The following BAIAP2L1 variants were observed in gnomAD, a reference collection of about 807,000 sequenced individuals.
The protein encoded by BAIAP2L1 is BAR/IMD domain-containing adapter protein 2-like 1.
BAIAP2L1 carries 35 observed loss-of-function variants against 66.3 expected under a neutral mutation model. That is an observed-to-expected ratio of 0.53 (90% CI 0.40 to 0.70). The LOEUF is 0.70. Among genes scored for constraint, BAIAP2L1 ranks in the 30% least tolerant of loss-of-function variants. The pLI is 0.00. For missense variants in BAIAP2L1, 622 were observed against 656.9 expected (o/e 0.95, Z 0.58); for synonymous variants, 269 against 248.7 (o/e 1.08, Z -0.77).
At chr7:98,303,586 C>A (rs533620571) in intron 12 of BAIAP2L1, among the ~76,000 whole-genome samples, 5 of 152,196 alleles carry the variant, frequency 3.3e-5, no homozygotes, top group African/African-American at 7.2e-5. Context: ...AGGCAGAGTC[C>A]GGCCTTGTTC....
intron 5 of BAIAP2L1, among the ~76,000 whole-genome samples, chr7:98,318,603 C>T (rs1458340647): frequency 6.6e-6 from 1 of 151,872 alleles, no homozygotes; most frequent in Non-Finnish European, 1.5e-5. Context: ...AACGGACCCG[C>T]GTCAGAATTC....
chr7:98,334,701 A>T (rs1434089067), intron 3 of BAIAP2L1, among the ~76,000 whole-genome samples: 1 of 151,734 alleles, frequency 6.6e-6, no homozygotes, highest in Non-Finnish European at 1.5e-5. Flanking sequence ...GCCCCCCACC[A>T]CGCCCAGCTA....
intron 1 of BAIAP2L1, among the ~76,000 whole-genome samples, chr7:98,399,546 C>G (rs79926690): frequency 0.013 from 2,047 of 152,280 alleles, 29 homozygotes; most frequent in Non-Finnish European, 0.022. Flanking sequence ...CACCAACCAA[C>G]CAACCGACCA....
intron 1 of BAIAP2L1, among the ~76,000 whole-genome samples, chr7:98,377,801 CAG>C (rs1195467627): frequency 2.6e-5 from 3 of 114,432 alleles, no homozygotes; most frequent in African/African-American, 1.1e-4. Flanking sequence ...GCCTGGGCGA[CAG>C]AGTGAGACTC....
At chr7:98,356,422 C>A (rs777207856) in intron 2 of BAIAP2L1, among the ~76,000 whole-genome samples, 1 of 152,046 alleles carries the variant, frequency 6.6e-6, no homozygotes, top group African/African-American at 2.4e-5. Flanking sequence ...AAAGAGCCCT[C>A]GGGAATCCCA....
rs1803353923 is a variant in BAIAP2L1 at position 98,400,859 on chromosome 7, G to T, written c.-7C>A. On this transcript the variant is annotated 5_prime_UTR_variant, in exon 1 of 14. Transcript: ENST00000005260. ...CCTCGGGCCCCCGGGACATGGCTGC[G>T]GCCGCCGGGCGAGCAAGCGCGGGAG... 6.5e-7 allele frequency: 1 copy of T among 1,538,796 alleles called. No individual in the cohort carries two copies. Among genetic ancestry groups the T allele is most frequent in the African/African-American group, 1.4e-5 (1 of 71,264 alleles).
At position 98,311,060 on chromosome 7, in the gene BAIAP2L1, A is replaced by C. The variant is rs75477239; in HGVS notation, c.808-468T>G. Among the ~76,000 whole-genome samples, 1,340 of 151,738 alleles carry C rather than the reference A, an allele frequency of 8.8e-3. 19 individuals carry two copies. Among genetic ancestry groups the C allele is most frequent in the African/African-American group, 0.031 (1,276 of 41,044 alleles). ...AAGTACCTGCTGCATCCCAATCTCC[A>C]CAGAGCCCAGGTTCAAAGATCAGCA... On this transcript the variant is annotated intron_variant, in intron 8 of 13. Coordinates refer to ENST00000005260, the MANE Select transcript of BAIAP2L1 (RefSeq NM_018842.5).
At chr7:98,297,549 A>G (rs1800242935) in intron 12 of BAIAP2L1, among the ~76,000 whole-genome samples, 1 of 152,184 alleles carries the variant, frequency 6.6e-6, no homozygotes, top group Non-Finnish European at 1.5e-5. Flanking sequence ...ACTCGCAACA[A>G]AAGTGGCCCT....
intron 1 of BAIAP2L1, among the ~76,000 whole-genome samples, chr7:98,398,624 C>A (rs957967907): frequency 1.3e-5 from 2 of 152,278 alleles, no homozygotes; most frequent in South Asian, 4.1e-4. Context: ...TGCCTTACGT[C>A]TACAAATACG....
In BAIAP2L1 at chr7:98,400,981, G is replaced by A. The variant is rs1260928525; in HGVS notation, c.-129C>T. 2.6e-6 allele frequency: 2 copies of A among 773,384 alleles called. No individual in the cohort carries two copies. The highest frequency in any genetic ancestry group is 3.6e-5 in the East Asian group (1 of 27,462). 47.9% of individuals were successfully genotyped at this position (773,384 alleles called of 1,614,324 possible). A position where few individuals can be genotyped will look rare whatever the true frequency, so the allele number is the denominator to read the frequency against. Reference sequence around the variant, plus strand: ...AGGGTCGGCCGCCGCCGCAGCCGTCGGCCCGAGAGTGCCCGCGCGCGTCTC... The same window carrying A: ...AGGGTCGGCCGCCGCCGCAGCCGTCAGCCCGAGAGTGCCCGCGCGCGTCTC... On this transcript the variant is annotated 5_prime_UTR_variant, in exon 1 of 14. Coordinates refer to ENST00000005260, the MANE Select transcript of BAIAP2L1 (RefSeq NM_018842.5).
At chr7:98,313,548 G>A (rs910733967) in intron 7 of BAIAP2L1, among the ~76,000 whole-genome samples, 2 of 152,080 alleles carry the variant, frequency 1.3e-5, no homozygotes, top group African/African-American at 2.4e-5. Context: ...CTACATTCCC[G>A]AAACTAGTAC....
At chr7:98,305,251 CTT>C (rs1476933511) in intron 11 of BAIAP2L1, among the ~76,000 whole-genome samples, 1 of 150,594 alleles carries the variant, frequency 6.6e-6, no homozygotes, top group Non-Finnish European at 1.5e-5. Flanking sequence ...GGGGCTGGCT[CTT>C]GATTGATTTA....
At chr7:98,314,288 T>G (rs1481732423) in intron 7 of BAIAP2L1, among the ~76,000 whole-genome samples, 1 of 152,178 alleles carries the variant, frequency 6.6e-6, no homozygotes, top group East Asian at 1.9e-4. Context: ...CAGTCCTGAA[T>G]ATTCCTTAAA....
At chr7:98,312,405 A>T in intron 7 of BAIAP2L1, 141 bp from the exon 8 acceptor site, 1 of 859,104 alleles carries the variant, frequency 1.2e-6, no homozygotes, top group Non-Finnish European at 1.8e-6. Flanking sequence ...CTCGGTGAGC[A>T]CTTTAAGCAC....
chr7:98,356,665 TAAAAAAAA>T (rs35660519), intron 2 of BAIAP2L1, among the ~76,000 whole-genome samples: 78 of 106,768 alleles, frequency 7.3e-4, no homozygotes, highest in Non-Finnish European at 1.3e-3. Flanking sequence ...CCTGGCTAAT[TAAAAAAAA>T]AAAAAAAAAA....
chr7:98,327,959 A>G (rs1356282558), intron 3 of BAIAP2L1, among the ~76,000 whole-genome samples: 2 of 152,138 alleles, frequency 1.3e-5, no homozygotes, highest in South Asian at 4.1e-4. Flanking sequence ...AATGAGAGAC[A>G]TGGCTGAAGA....
At chr7:98,310,661 CTGT>C (rs1584439696) in intron 8 of BAIAP2L1, 69 bp from the exon 9 acceptor site, 1 of 1,252,866 alleles carries the variant, frequency 8.0e-7, no homozygotes, top group East Asian at 2.8e-5. Context: ...ATTCCCAAGG[CTGT>C]TTTTTTTTTT....
Position 98,385,738 on chromosome 7 carries a change from TTG to T in BAIAP2L1, c.51+15062_51+15063del, listed in dbSNP as rs1491448252. 587 of 1,280,300 alleles carry T rather than the reference TTG, an allele frequency of 4.6e-4. 3 individuals are homozygous for T. The African/African-American group carries it at 6.8e-3, about 15-fold the overall frequency. The allele number at this position is 1,280,300 out of a possible 1,614,324, so 79.3% of individuals were successfully genotyped here. Reference sequence around the variant, plus strand: ...CAGGAATCAACATTTCTTTTTTTTGTTGTTTTTTTTTTCACAAATAGCACTCT... The same window carrying T: ...CAGGAATCAACATTTCTTTTTTTTGTTTTTTTTTTTCACAAATAGCACTCT... On this transcript the variant is annotated intron_variant, in intron 1 of 13. Coordinates refer to ENST00000005260, the MANE Select transcript of BAIAP2L1 (RefSeq NM_018842.5).
chr7:98,317,354 T>G lies in BAIAP2L1; in HGVS notation c.351A>C (p.Ala117=), dbSNP rs370644813. ...KIELDVKYMN[A]TLKRYQTEHK... is the part of the protein sequence containing the mutation. Reference sequence around the variant, plus strand: ...GTTCTGTTTGGTATCTTTTTAGAGTTGCCTGTAAGTTAAATGGCTGTGCTT... The same window carrying G: ...GTTCTGTTTGGTATCTTTTTAGAGTGGCCTGTAAGTTAAATGGCTGTGCTT... The change falls in exon 6 of 14, where the codon GCA becomes GCC. Residue 117 remains alanine (A), a splice_region_variant and synonymous_variant. Transcript: ENST00000005260. 1.2e-6 allele frequency: 2 copies of G among 1,613,430 alleles called. No homozygotes were observed. Among genetic ancestry groups the G allele is most frequent in the African/African-American group, 2.7e-5 (2 of 74,822 alleles).
Sources: gnomAD v4.1 joint callset for allele counts (sites outside exome capture counted in the v4.1 genomes callset) on GRCh38, gnomAD v4.1.1 for gene constraint, MANE v1.5 for transcripts, NCBI Gene and HGNC (gene_info 2026-07-23, HGNC 2026-07-21) for gene names.